Variants in EVI5 observed in about 807,000 individuals in gnomAD.
The protein encoded by EVI5 is ecotropic viral integration site 5.
In EVI5, 73 loss-of-function variants were observed where a neutral mutation model predicts 112.0. The ratio of observed to expected loss-of-function variants is 0.65; its 90% CI spans 0.54 to 0.79. The LOEUF (loss-of-function observed/expected upper bound fraction) is 0.79, where lower values mean the gene tolerates loss of function less well. Ranked by LOEUF, EVI5 falls within the 30% of genes least tolerant of loss-of-function variation. EVI5 has a pLI of 0.00. For synonymous variants in EVI5, 305 were observed against 319.9 expected, an observed-to-expected ratio of 0.95 and a Z score of 0.50; for missense variants, 900 against 968.8, an observed-to-expected ratio of 0.93 and a Z score of 0.94.
At chr1:92,585,386 G>A (rs532899390) in intron 18 of EVI5, among the ~76,000 whole-genome samples, 1 of 152,152 alleles carries the variant, frequency 6.6e-6, no homozygotes, top group South Asian at 2.1e-4. Flanking sequence ...TAGCTACTAG[G>A]GAGGCTTAGG....
chr1:92,692,295 C>T (rs990165215), intron 9 of EVI5, among the ~76,000 whole-genome samples: 6 of 152,330 alleles, frequency 3.9e-5, no homozygotes, highest in African/African-American at 1.4e-4. Context: ...GAACCTCATT[C>T]TCTATCAGAC....
At chr1:92,624,447 TTTTA>T in intron 15 of EVI5, 113 bp from the exon 16 acceptor site, 1 of 791,754 alleles carries the variant, frequency 1.3e-6, no homozygotes, top group Non-Finnish European at 2.1e-6. Context: ...CCACACATTA[TTTTA>T]TTTAATCCCT....
chr1:92,779,775 G>A (rs1374690764), intron 1 of EVI5, among the ~76,000 whole-genome samples: 1 of 152,142 alleles, frequency 6.6e-6, no homozygotes, highest in African/African-American at 2.4e-5. Flanking sequence ...AAAGAAGCAA[G>A]CTGATTTGGC....
chr1:92,641,706 G>GT (rs1433672586), intron 13 of EVI5, among the ~76,000 whole-genome samples: 2 of 152,104 alleles, frequency 1.3e-5, no homozygotes, highest in African/African-American at 4.8e-5. Context: ...ATAAAAAGTT[G>GT]TATCTTCCTC....
intron 15 of EVI5, 149 bp from the exon 16 acceptor site, chr1:92,624,483 AC>A: frequency 1.5e-6 from 1 of 658,556 alleles, no homozygotes; most frequent in Non-Finnish European, 2.6e-6. Flanking sequence ...TTAATCAGGC[AC>A]TATTATCATC....
chr1:92,620,443 AAAAG>A (rs1376863906), intron 16 of EVI5, among the ~76,000 whole-genome samples: 7 of 151,626 alleles, frequency 4.6e-5, no homozygotes, highest in Non-Finnish European at 8.8e-5. Flanking sequence ...AGAAAAAAAA[AAAAG>A]AGAGAAAAAA....
chr1:92,557,932 T>G (rs1442134431), intron 19 of EVI5, among the ~76,000 whole-genome samples: 2 of 150,728 alleles, frequency 1.3e-5, no homozygotes, highest in Non-Finnish European at 3.0e-5. Context: ...GAGACAGGGT[T>G]TCTCCATGTT....
chr1:92,520,852 TAAA>T (rs548763369), intron 19 of EVI5, among the ~76,000 whole-genome samples: 2 of 121,620 alleles, frequency 1.6e-5, no homozygotes, highest in African/African-American at 3.1e-5. Flanking sequence ...CAACCCTGTC[TAAA>T]AAAAAAAAAA....
At chr1:92,763,960 A>T (rs980185878) in intron 1 of EVI5, among the ~76,000 whole-genome samples, 3 of 152,214 alleles carry the variant, frequency 2.0e-5, no homozygotes, top group Non-Finnish European at 4.4e-5. Context: ...ATCAGAGGCA[A>T]ATGGAAGTTT....
intron 2 of EVI5, among the ~76,000 whole-genome samples, chr1:92,732,837 T>TTG (rs1676704742): frequency 6.9e-6 from 1 of 144,794 alleles, no homozygotes; most frequent in East Asian, 2.0e-4. Flanking sequence ...GAGGCAGACA[T>TTG]TGCAGTGAGC....
At chr1:92,545,414 T>A (rs1665518382) in intron 19 of EVI5, among the ~76,000 whole-genome samples, 1 of 143,760 alleles carries the variant, frequency 7.0e-6, no homozygotes. Flanking sequence ...CTACTTGATG[T>A]AAAAAAAAAA....
intron 16 of EVI5, among the ~76,000 whole-genome samples, chr1:92,618,192 G>A (rs1436533390): frequency 6.6e-6 from 1 of 152,148 alleles, no homozygotes; most frequent in African/African-American, 2.4e-5. Flanking sequence ...ACGGGTCCAG[G>A]AATCAAGGGG....
chr1:92,768,577 T>C (rs545125901), intron 1 of EVI5, among the ~76,000 whole-genome samples: 74 of 152,282 alleles, frequency 4.9e-4, no homozygotes, highest in African/African-American at 1.7e-3. Context: ...CTCTGCCATA[T>C]TTAAAAATCT....
At chr1:92,515,826 C>G (rs966908145) in intron 19 of EVI5, among the ~76,000 whole-genome samples, 1 of 152,184 alleles carries the variant, frequency 6.6e-6, no homozygotes, top group African/African-American at 2.4e-5. Flanking sequence ...AACCTCAGCA[C>G]TTCCCTGCTT....
intron 14 of EVI5, among the ~76,000 whole-genome samples, chr1:92,627,552 T>C (rs1185668891): frequency 6.6e-6 from 1 of 152,196 alleles, no homozygotes; most frequent in Non-Finnish European, 1.5e-5. Flanking sequence ...AGTAGTGGGA[T>C]TGCTGGATCA....
chr1:92,535,028 A>T (rs1663610023), intron 19 of EVI5, among the ~76,000 whole-genome samples: 1 of 152,212 alleles, frequency 6.6e-6, no homozygotes, highest in Admixed American at 6.5e-5. Flanking sequence ...TATATTTTGC[A>T]TCTGACAAAG....
At chr1:92,652,966 G>A (rs746389982) in intron 13 of EVI5, among the ~76,000 whole-genome samples, 22 of 152,172 alleles carry the variant, frequency 1.4e-4, no homozygotes, top group Non-Finnish European at 2.6e-4. Flanking sequence ...TCTTTAACCT[G>A]TGACAAACCA....
intron 19 of EVI5, among the ~76,000 whole-genome samples, chr1:92,551,719 G>C (rs1049458219): frequency 1.3e-4 from 20 of 152,066 alleles, no homozygotes; most frequent in African/African-American, 4.6e-4. Flanking sequence ...GTCTCTTCCT[G>C]GGAATGCTAA....
chr1:92,616,386 C>T (rs1046248846), intron 16 of EVI5, among the ~76,000 whole-genome samples: 1 of 152,146 alleles, frequency 6.6e-6, no homozygotes, highest in South Asian at 2.1e-4. Flanking sequence ...ACTGAGGTGC[C>T]GGGGCCAAGT....
Sources: gnomAD v4.1 joint callset for allele counts (sites outside exome capture counted in the v4.1 genomes callset) on GRCh38, gnomAD v4.1.1 for gene constraint, MANE v1.5 for transcripts, NCBI Gene and HGNC (gene_info 2026-07-23, HGNC 2026-07-21) for gene names.